The following TMEM131 variants were observed in gnomAD, a reference collection of about 807,000 sequenced individuals.
TMEM131 encodes the protein 2610524E03Rik.
A neutral mutation model predicts 211.6 loss-of-function variants in TMEM131; 66 were observed. The observed-to-expected ratio is 0.31, with a 90% CI of 0.26 to 0.38. The LOEUF (loss-of-function observed/expected upper bound fraction) is 0.38. Ranked by LOEUF, TMEM131 falls within the 10% of genes least tolerant of loss-of-function variation. The probability of loss-of-function intolerance (pLI) is 1.00; values close to 1 mark genes in which losing one functional copy is unlikely to be tolerated. For synonymous variants in TMEM131, 844 were observed against 841.3 expected, an observed-to-expected ratio of 1.00 and a Z score of -0.06; for missense variants, 2,036 against 2,299.3, an observed-to-expected ratio of 0.89 and a Z score of 2.34.
chr2:97,777,729 C>T lies in TMEM131; in HGVS notation c.4145-1711G>A, dbSNP rs1260038745. ...AGTCTCAAAAATTGAAGGGGCATCT[C>T]GTTTCAAGCATAGGACTGACTAGTT... On this transcript the variant is annotated intron_variant, in intron 31 of 40. Coordinates refer to ENST00000186436, the MANE Select transcript of TMEM131 (RefSeq NM_015348.2). Among the ~76,000 whole-genome samples the T allele has an allele frequency of 1.3e-5, 2 of 152,188 alleles. 1 individual carries two copies. Among genetic ancestry groups the T allele is most frequent in the Middle Eastern group, 6.3e-3 (2 of 316 alleles).
At position 97,995,602 on chromosome 2, in the gene TMEM131, C is replaced by T. The variant is rs759215035; in HGVS notation, c.61G>A (p.Ala21Thr). 8.0e-6 allele frequency: 10 copies of T among 1,256,514 alleles called. No homozygotes were observed. The highest frequency in any genetic ancestry group is 1.0e-5 in the Non-Finnish European group (10 of 1,001,768). 77.8% of individuals were successfully genotyped at this position (1,256,514 alleles called of 1,614,324 possible). ...GCCGCAGGTTCCAGCCCGGCCCCGG[C>T]GGACGTGGAGACGGCGGCGGTGGTG... ...GATTAAVSTS[A>T]GAGLEPAAAR... The change falls in exon 1 of 41, where the codon GCC becomes ACC. Residue 21 changes from alanine (A) to threonine (T), a missense_variant. Ala to Thr is a moderately conservative substitution (Grantham distance 58). Coordinates refer to ENST00000186436, the MANE Select transcript of TMEM131 (RefSeq NM_015348.2).
chr2:97,781,473 C>T (rs1413338629), intron 31 of TMEM131, among the ~76,000 whole-genome samples: 1 of 152,196 alleles, frequency 6.6e-6, no homozygotes, highest in Non-Finnish European at 1.5e-5. Flanking sequence ...GAGATTAGTA[C>T]CAATCTGTGG....
chr2:97,818,820 A>C (rs1681973590), intron 11 of TMEM131, 99 bp from the exon 12 acceptor site: 1 of 741,678 alleles, frequency 1.3e-6, no homozygotes, highest in South Asian at 2.3e-5. Flanking sequence ...AGTAAAGTGG[A>C]CTCTAAATTT....
chr2:97,849,549 T>C (rs1683602227), intron 5 of TMEM131, among the ~76,000 whole-genome samples: 2 of 152,234 alleles, frequency 1.3e-5, no homozygotes, highest in South Asian at 2.1e-4. Flanking sequence ...AATTGTTGAT[T>C]ATATGACCTT....
At chr2:97,968,678 G>A (rs1280487818) in intron 1 of TMEM131, among the ~76,000 whole-genome samples, 1 of 152,176 alleles carries the variant, frequency 6.6e-6, no homozygotes, top group African/African-American at 2.4e-5. Flanking sequence ...TCATCTGTGC[G>A]TAGTGAAGAC....
intron 32 of TMEM131, among the ~76,000 whole-genome samples, chr2:97,774,409 C>T (rs1421817769): frequency 6.6e-6 from 1 of 152,230 alleles, no homozygotes; most frequent in Non-Finnish European, 1.5e-5. Flanking sequence ...AGAAAATACA[C>T]ATTAACTGAC....
At chr2:97,943,724 T>C (rs940865993) in intron 1 of TMEM131, among the ~76,000 whole-genome samples, 1 of 152,170 alleles carries the variant, frequency 6.6e-6, no homozygotes, top group African/African-American at 2.4e-5. Context: ...GACTCAAAAC[T>C]TCCCGATTTC....
At chr2:97,962,002 A>G (rs1678839264) in intron 1 of TMEM131, among the ~76,000 whole-genome samples, 1 of 152,222 alleles carries the variant, frequency 6.6e-6, no homozygotes, top group Non-Finnish European at 1.5e-5. Context: ...ACCATATATA[A>G]AAATTAGCTC....
chr2:97,870,743 C>G (rs944174898), intron 4 of TMEM131, among the ~76,000 whole-genome samples: 2 of 152,218 alleles, frequency 1.3e-5, no homozygotes, highest in Non-Finnish European at 2.9e-5. Flanking sequence ...AGTGACACAG[C>G]ACTCTGTTAA....
intron 2 of TMEM131, among the ~76,000 whole-genome samples, 154 bp from the exon 3 acceptor site, chr2:97,908,852 T>C (rs901878743): frequency 2.0e-5 from 3 of 152,226 alleles, no homozygotes; most frequent in Non-Finnish European, 2.9e-5. Context: ...TCACATACAA[T>C]GACTAGATCA....
intron 2 of TMEM131, among the ~76,000 whole-genome samples, chr2:97,912,100 C>T (rs552484303): frequency 6.6e-6 from 1 of 152,084 alleles, no homozygotes; most frequent in South Asian, 2.1e-4. Flanking sequence ...TGTCAAAGGT[C>T]AGAGAATGGG....
At chr2:97,962,220 G>C (rs1246795863) in intron 1 of TMEM131, among the ~76,000 whole-genome samples, 1 of 152,094 alleles carries the variant, frequency 6.6e-6, no homozygotes, top group Non-Finnish European at 1.5e-5. Flanking sequence ...AAATGAAAAG[G>C]CTGCCTGGCG....
intron 11 of TMEM131, among the ~76,000 whole-genome samples, chr2:97,828,570 G>A (rs1330892315): frequency 6.6e-6 from 1 of 152,192 alleles, no homozygotes; most frequent in African/African-American, 2.4e-5. Context: ...CAGACAGTTT[G>A]CAAGAAATAA....
chr2:97,812,770 C>T, intron 15 of TMEM131, 21 bp from the exon 16 acceptor site: 4 of 1,360,202 alleles, frequency 2.9e-6, no homozygotes, highest in Non-Finnish European at 4.0e-6. Context: ...ATAAAAGAAC[C>T]AGATTAAAAA....
intron 1 of TMEM131, among the ~76,000 whole-genome samples, chr2:97,935,527 G>A (rs1444693874): frequency 6.6e-6 from 1 of 152,040 alleles, no homozygotes; most frequent in Non-Finnish European, 1.5e-5. Context: ...TCTTAAATGG[G>A]TTAATATTTA....
At chr2:97,938,177 A>G (rs549556138) in intron 1 of TMEM131, among the ~76,000 whole-genome samples, 1 of 152,328 alleles carries the variant, frequency 6.6e-6, no homozygotes, top group Non-Finnish European at 1.5e-5. Flanking sequence ...CACATATAAC[A>G]ATATTAACCT....
intron 1 of TMEM131, among the ~76,000 whole-genome samples, chr2:97,934,576 A>G (rs1267240263): frequency 1.3e-5 from 2 of 152,196 alleles, no homozygotes; most frequent in Admixed American, 1.3e-4. Flanking sequence ...AAAAACAAGA[A>G]TAAAGTGAGA....
Position 97,757,125 on chromosome 2 carries a change from T to C in TMEM131, c.5626A>G (p.Asn1876Asp), listed in dbSNP as rs1573305421. 1 of 1,606,460 alleles carries C rather than the reference T, an allele frequency of 6.2e-7. No homozygotes were observed. Among genetic ancestry groups the C allele is most frequent in the Non-Finnish European group, 8.5e-7 (1 of 1,174,938 alleles). The change falls in exon 41 of 41, where the codon AAT becomes GAT. Residue 1876 changes from asparagine to aspartate, a missense_variant. Asn to Asp is a conservative substitution (Grantham distance 23). Around this residue, in one of 3 missense-constraint regions of TMEM131, gnomAD observed 1,623 missense variants for 1,805.9 expected, o/e 0.90. Coordinates refer to ENST00000186436, the MANE Select transcript of TMEM131 (RefSeq NM_015348.2). ...IGRRSSDPWS[N>D]SHFPHEN The stretch of plus-strand genomic sequence containing the variant: ...TAATTCTCGTGAGGAAAGTGCGAAT[T>C]AGACCAAGGGTCCGAGCTTCTTCTT...
At chr2:97,782,754 G>C (rs1372672922) in intron 31 of TMEM131, among the ~76,000 whole-genome samples, 1 of 151,792 alleles carries the variant, frequency 6.6e-6, no homozygotes, top group Non-Finnish European at 1.5e-5. Context: ...GAAATAATCA[G>C]TAAACAAATA....
Sources: allele counts gnomAD v4.1 joint callset (sites outside exome capture counted in the v4.1 genomes callset), GRCh38; gene constraint gnomAD v4.1.1; regional missense constraint gnomAD v4.1.1; transcripts MANE v1.5; gene names NCBI Gene and HGNC (gene_info 2026-07-23, HGNC 2026-07-21).